The following PAQR5 variants were observed in gnomAD, a reference collection of about 807,000 sequenced individuals.
PAQR5 encodes membrane progestin receptor gamma.
In PAQR5, 20 loss-of-function variants were observed where a neutral mutation model predicts 34.5. The observed-to-expected ratio is 0.58, with a 90% CI of 0.41 to 0.84. The LOEUF is 0.84. Ranked by LOEUF, PAQR5 falls within the 40% of genes least tolerant of loss-of-function variation. The pLI is 0.00. For synonymous variants in PAQR5, 131 were observed against 155.6 expected (o/e 0.84, Z 1.18); for missense variants, 378 against 412.7 (o/e 0.92, Z 0.73).
chr15:69,324,129 CAAAAA>C (rs55634756), intron 1 of PAQR5, among the ~76,000 whole-genome samples: 6 of 135,484 alleles, frequency 4.4e-5, no homozygotes, highest in East Asian at 2.1e-4. Flanking sequence ...ATAGCTAGGG[CAAAAA>C]AAAAAAAAAA....
chr15:69,370,177 TC>T (rs2055520264), intron 3 of PAQR5, among the ~76,000 whole-genome samples: 1 of 152,218 alleles, frequency 6.6e-6, no homozygotes, highest in African/African-American at 2.4e-5. Flanking sequence ...AATCCTTGGT[TC>T]CACCAGCTGG....
intron 2 of PAQR5, among the ~76,000 whole-genome samples, chr15:69,340,717 C>T (rs1414452995): frequency 2.0e-5 from 3 of 152,082 alleles, no homozygotes; most frequent in African/African-American, 4.8e-5. Context: ...TCCCACTGTT[C>T]GTTAGAGACC....
In PAQR5 at chr15:69,326,176, G is replaced by A. The variant is rs116753207; in HGVS notation, c.-276-11165G>A. On this transcript the variant is annotated intron_variant, in intron 1 of 8. Transcript: ENST00000395407. ...GCCTGGGAAATGGTGCTCCAAAGAC[G>A]CCAGCCAAATTTGCCTGTTTCTCTG... Among the ~76,000 whole-genome samples the A allele has an allele frequency of 8.6e-3, 1,306 of 152,124 alleles. 20 individuals are homozygous for A. The highest frequency in any genetic ancestry group is 0.03 in the African/African-American group (1,262 of 41,480).
At chr15:69,320,469 A>C (rs1046909368) in intron 1 of PAQR5, among the ~76,000 whole-genome samples, 2 of 152,208 alleles carry the variant, frequency 1.3e-5, no homozygotes, top group Non-Finnish European at 2.9e-5. Context: ...TCCAGCTCTG[A>C]CAATGCATGG....
intron 3 of PAQR5, among the ~76,000 whole-genome samples, chr15:69,363,534 C>CTTT (rs1567021721): frequency 9.5e-6 from 1 of 105,206 alleles, no homozygotes; most frequent in African/African-American, 3.5e-5. Context: ...AATTGCTAAT[C>CTTT]TGTTTTTTGT....
At chr15:69,402,034 T>C (rs1218570991) in intron 8 of PAQR5, among the ~76,000 whole-genome samples, 2 of 152,030 alleles carry the variant, frequency 1.3e-5, no homozygotes, top group African/African-American at 2.4e-5. Context: ...ATGCCCAGCC[T>C]TTTTATTTTA....
intron 8 of PAQR5, chr15:69,400,833 G>T: frequency 6.5e-6 from 1 of 153,192 alleles, no homozygotes. Flanking sequence ...GAGGGGGCCA[G>T]GGGTTCAGGG....
At chr15:69,380,451 G>A (rs1411601952) in intron 4 of PAQR5, 1 of 159,026 alleles carries the variant, frequency 6.3e-6, no homozygotes, top group East Asian at 1.9e-4. Flanking sequence ...GTGAGGGTTT[G>A]GGGAGAAAAC....
intron 1 of PAQR5, among the ~76,000 whole-genome samples, chr15:69,312,683 C>T (rs1220858383): frequency 6.6e-6 from 1 of 151,502 alleles, no homozygotes; most frequent in East Asian, 1.9e-4. Context: ...CTGCTTCTGA[C>T]TTTCCAGGGG....
intron 1 of PAQR5, among the ~76,000 whole-genome samples, chr15:69,324,138 AAAAAAAG>A (rs1441455239): frequency 6.6e-6 from 1 of 151,484 alleles, no homozygotes; most frequent in African/African-American, 2.4e-5. Context: ...GCAAAAAAAA[AAAAAAAG>A]AAAAAAGAAA....
At chr15:69,380,966 A>G (rs868366455) in intron 4 of PAQR5, among the ~76,000 whole-genome samples, 8 of 152,182 alleles carry the variant, frequency 5.3e-5, no homozygotes, top group African/African-American at 1.7e-4. Flanking sequence ...AGTAGAAGTC[A>G]GATGACAGAC....
intron 3 of PAQR5, among the ~76,000 whole-genome samples, chr15:69,375,873 T>G (rs902109273): frequency 6.6e-6 from 1 of 152,226 alleles, no homozygotes; most frequent in African/African-American, 2.4e-5. Context: ...TCTGCCATTA[T>G]TTACTGCTGG....
intron 1 of PAQR5, among the ~76,000 whole-genome samples, chr15:69,331,501 G>C (rs7182765): frequency 0.79 from 120,669 of 152,140 alleles, 51,365 homozygotes; most frequent in Non-Finnish European, 0.96. Flanking sequence ...GTGTGTCTGT[G>C]TATGTGGAAG....
intron 1 of PAQR5, among the ~76,000 whole-genome samples, chr15:69,306,729 C>T (rs977221741): frequency 3.9e-5 from 6 of 152,110 alleles, no homozygotes; most frequent in Non-Finnish European, 8.8e-5. Flanking sequence ...AAGTCTGCAA[C>T]TCATTGTCAT....
At position 69,361,983 on chromosome 15, in the gene PAQR5, G is replaced by C. The variant is rs182748154; in HGVS notation, c.51+1852G>C. 2.6e-3 allele frequency among the ~76,000 whole-genome samples: 390 copies of C among 152,146 alleles called. 1 individual carries two copies. The highest frequency in any genetic ancestry group is 0.017 in the Middle Eastern group (5 of 294). ...GGTGGGGGGACTGGGGAGCGTCTTG[G>C]GGGTAGAGGTTATGGGAGTCTGCTT... On this transcript the variant is annotated intron_variant, in intron 3 of 8. Transcript: ENST00000395407.
chr15:69,384,922 C>T (rs182618061), intron 5 of PAQR5, 40 bp downstream of exon 5: 84 of 1,524,104 alleles, frequency 5.5e-5, no homozygotes, highest in Non-Finnish European at 5.7e-5. Flanking sequence ...CCCCTGCAAC[C>T]GGGCTGTTTG....
chr15:69,359,965 G>A lies in PAQR5; in HGVS notation c.-115-1G>A. ...GATTTCTTCATGCTGTCCTCTTTCA[G>A]GGAAGCGGCACAGCACCAGCTAGGC... On this transcript the variant is annotated splice_acceptor_variant, in intron 2 of 8. Transcript: ENST00000395407. LOFTEE classifies it low-confidence loss of function (5UTR_SPLICE). 1 of 763,102 alleles carries A rather than the reference G, an allele frequency of 1.3e-6. No individual in the cohort carries two copies. Among genetic ancestry groups the A allele is most frequent in the Non-Finnish European group, 2.3e-6 (1 of 437,370 alleles). The allele number at this position is 763,102 out of a possible 1,614,324, so 47.3% of individuals were successfully genotyped here. A position where few individuals can be genotyped will look rare whatever the true frequency, so the allele number is the denominator to read the frequency against.
chr15:69,401,945 C>G (rs900811172), intron 8 of PAQR5, among the ~76,000 whole-genome samples: 2 of 152,192 alleles, frequency 1.3e-5, no homozygotes, highest in African/African-American at 4.8e-5. Flanking sequence ...GTTGCCCAGG[C>G]TGGTCTCAAA....
chr15:69,375,326 G>C (rs1165534706), intron 3 of PAQR5, among the ~76,000 whole-genome samples: 1 of 152,062 alleles, frequency 6.6e-6, no homozygotes, highest in Non-Finnish European at 1.5e-5. Context: ...TCTTGTGAGG[G>C]ACACCAGGCA....
Sources: allele counts gnomAD v4.1 joint callset (sites outside exome capture counted in the v4.1 genomes callset), GRCh38; gene constraint gnomAD v4.1.1; transcripts MANE v1.5; gene names NCBI Gene and HGNC (gene_info 2026-07-23, HGNC 2026-07-21).